PPP1R12A: variants seen among roughly 807,000 people sequenced by gnomAD.
The protein encoded by PPP1R12A is myosin binding subunit.
Under a neutral mutation model 139.6 loss-of-function variants are expected in PPP1R12A, and 19 were observed. The ratio of observed to expected loss-of-function variants is 0.14; its 90% CI spans 0.09 to 0.20. The LOEUF (loss-of-function observed/expected upper bound fraction) is 0.20. Ranked by LOEUF, PPP1R12A falls within the 10% of genes least tolerant of loss-of-function variation. The probability of loss-of-function intolerance (pLI) is 1.00; values close to 1 mark genes in which losing one functional copy is unlikely to be tolerated. For missense variants in PPP1R12A, 925 were observed against 1,211.5 expected (o/e 0.76, Z 3.51); for synonymous variants, 427 against 420.6 (o/e 1.02, Z -0.19).
chr12:79,854,795 C>G (rs1046800437), intron 2 of PPP1R12A, among the ~76,000 whole-genome samples: 1 of 152,038 alleles, frequency 6.6e-6, no homozygotes, highest in African/African-American at 2.4e-5. Context: ...CCTCAGCCTC[C>G]CAAGTAACTA....
At chr12:79,931,572 T>C (rs1888255635) in intron 1 of PPP1R12A, among the ~76,000 whole-genome samples, 1 of 152,212 alleles carries the variant, frequency 6.6e-6, no homozygotes, top group South Asian at 2.1e-4. Flanking sequence ...AGGCATTCTA[T>C]ATATAACTTT....
intron 1 of PPP1R12A, among the ~76,000 whole-genome samples, chr12:79,931,327 T>C (rs562722813): frequency 1.3e-5 from 2 of 152,314 alleles, no homozygotes; most frequent in African/African-American, 2.4e-5. Flanking sequence ...TTATTAAATA[T>C]AAAATTACAA....
chr12:79,874,379 CAT>C (rs924253446), intron 1 of PPP1R12A, among the ~76,000 whole-genome samples: 1 of 151,496 alleles, frequency 6.6e-6, no homozygotes, highest in African/African-American at 2.4e-5. Context: ...TATTTGGTAA[CAT>C]GGGTAAATCG....
intron 4 of PPP1R12A, among the ~76,000 whole-genome samples, chr12:79,829,508 G>A (rs747715211): frequency 6.6e-6 from 1 of 151,942 alleles, no homozygotes; most frequent in Non-Finnish European, 1.5e-5. Context: ...GCTCACCCCA[G>A]TACTACTCAA....
intron 1 of PPP1R12A, among the ~76,000 whole-genome samples, chr12:79,928,027 C>T (rs1191582226): frequency 6.6e-6 from 1 of 152,148 alleles, no homozygotes; most frequent in Admixed American, 6.5e-5. Context: ...AACAAAACAA[C>T]GTTTTATGCC....
At chr12:79,843,623 G>C (rs936439447) in intron 3 of PPP1R12A, among the ~76,000 whole-genome samples, 2 of 79,890 alleles carry the variant, frequency 2.5e-5, no homozygotes, top group Non-Finnish European at 4.5e-5. Flanking sequence ...TATAGATATA[G>C]ATATAGATAT....
At chr12:79,804,769 G>A (rs1873619248) in intron 14 of PPP1R12A, among the ~76,000 whole-genome samples, 1 of 151,846 alleles carries the variant, frequency 6.6e-6, no homozygotes, top group Non-Finnish European at 1.5e-5. Context: ...TAGGGACTAT[G>A]CATAATATAG....
intron 24 of PPP1R12A, among the ~76,000 whole-genome samples, chr12:79,776,302 C>T (rs1224256671): frequency 6.6e-6 from 1 of 152,066 alleles, no homozygotes; most frequent in Non-Finnish European, 1.5e-5. Flanking sequence ...ACACCACATT[C>T]CAGCAGCCAA....
At chr12:79,896,764 T>C (rs1885171146) in intron 1 of PPP1R12A, among the ~76,000 whole-genome samples, 1 of 152,232 alleles carries the variant, frequency 6.6e-6, no homozygotes, top group African/African-American at 2.4e-5. Flanking sequence ...TCCTCATTTG[T>C]GTATGACAAT....
intron 21 of PPP1R12A, chr12:79,787,083 C>G (rs1257475050): frequency 6.6e-6 from 1 of 152,160 alleles, no homozygotes; most frequent in Non-Finnish European, 1.5e-5. Flanking sequence ...ATGATCATCT[C>G]TTATCTAAAC....
At chr12:79,855,779 T>A (rs1346485790) in intron 2 of PPP1R12A, among the ~76,000 whole-genome samples, 2 of 152,152 alleles carry the variant, frequency 1.3e-5, no homozygotes, top group African/African-American at 4.8e-5. Context: ...TGCAGGTCAT[T>A]ATCTGTTGCC....
intron 1 of PPP1R12A, among the ~76,000 whole-genome samples, chr12:79,900,090 T>G (rs979816608): frequency 6.6e-6 from 1 of 152,222 alleles, no homozygotes; most frequent in Non-Finnish European, 1.5e-5. Flanking sequence ...GCTTTGCACC[T>G]GCTAGAACAA....
chr12:79,839,750 C>T (rs1257490501), intron 3 of PPP1R12A, among the ~76,000 whole-genome samples: 1 of 152,124 alleles, frequency 6.6e-6, no homozygotes, highest in Non-Finnish European at 1.5e-5. Context: ...GATGTGTTTG[C>T]TTTCTCTTCT....
At chr12:79,824,559 A>C (rs1441510651) in intron 5 of PPP1R12A, among the ~76,000 whole-genome samples, 2 of 152,198 alleles carry the variant, frequency 1.3e-5, no homozygotes, top group Non-Finnish European at 2.9e-5. Context: ...ACACAATCAA[A>C]TTAGAGTAAA....
At chr12:79,931,565 C>A (rs376540331) in intron 1 of PPP1R12A, among the ~76,000 whole-genome samples, 3 of 152,240 alleles carry the variant, frequency 2.0e-5, no homozygotes, top group African/African-American at 4.8e-5. Flanking sequence ...AGCAATAAGG[C>A]ATTCTATATA....
At chr12:79,836,877 C>T (rs1245014203) in intron 3 of PPP1R12A, among the ~76,000 whole-genome samples, 2 of 152,098 alleles carry the variant, frequency 1.3e-5, no homozygotes, top group Non-Finnish European at 2.9e-5. Context: ...ATCTCTGATC[C>T]ACCACTTACT....
chr12:79,781,206 C>G (rs1307310258), intron 23 of PPP1R12A, among the ~76,000 whole-genome samples: 2 of 152,016 alleles, frequency 1.3e-5, no homozygotes, highest in African/African-American at 4.8e-5. Flanking sequence ...CTTTGAGCAA[C>G]AATAAGTGAA....
intron 15 of PPP1R12A, among the ~76,000 whole-genome samples, chr12:79,798,250 T>C (rs1163059377): frequency 6.6e-6 from 1 of 152,164 alleles, no homozygotes; most frequent in African/African-American, 2.4e-5. Context: ...AATACAATAG[T>C]AGCAGTGTAA....
intron 4 of PPP1R12A, 66 bp downstream of exon 4, chr12:79,832,266 A>G (rs1397374917): frequency 1.4e-6 from 2 of 1,423,908 alleles, no homozygotes; most frequent in Non-Finnish European, 1.9e-6. Context: ...AGGTATTTTA[A>G]GAAAAGGAAC....
Sources: gnomAD v4.1 joint callset for allele counts (sites outside exome capture counted in the v4.1 genomes callset) on GRCh38, gnomAD v4.1.1 for gene constraint, MANE v1.5 for transcripts, NCBI Gene and HGNC (gene_info 2026-07-23, HGNC 2026-07-21) for gene names.